Variants in KDM2A observed in about 807,000 individuals in gnomAD.
KDM2A encodes the protein lysine demethylase 2A.
In KDM2A, 3 loss-of-function variants were observed where a neutral mutation model predicts 137.3. That is an observed-to-expected ratio of 0.02 (90% CI 0.01 to 0.06). The LOEUF is 0.06. Among genes scored for constraint, KDM2A ranks in the 10% least tolerant of loss-of-function variants. The pLI is 1.00. For synonymous variants in KDM2A, 512 were observed against 541.5 expected (o/e 0.95, Z 0.76); for missense variants, 738 against 1,510.6 (o/e 0.49, Z 8.48).
intron 12 of KDM2A, among the ~76,000 whole-genome samples, chr11:67,241,125 A>C (rs1859027820): frequency 6.6e-6 from 1 of 152,182 alleles, no homozygotes; most frequent in South Asian, 2.1e-4. Flanking sequence ...CAGCAGAGGA[A>C]ATGGGCAGAG....
At chr11:67,210,492 AATTT>A (rs1377649726) in intron 6 of KDM2A, among the ~76,000 whole-genome samples, 1 of 152,196 alleles carries the variant, frequency 6.6e-6, no homozygotes, top group African/African-American at 2.4e-5. Context: ...TGGCATCCTG[AATTT>A]ATTCACTCTG....
rs777444558 is a variant in KDM2A at position 67,215,984 on chromosome 11, A to C, written c.687+35A>C. ...TAGTTGTGATAGGGGTTGGAATCTG[A>C]AGTTGGTTGTATGACTTTGCTTCAG... On this transcript the variant is annotated intron_variant, in intron 8 of 20. Coordinates refer to ENST00000529006, the MANE Select transcript of KDM2A (RefSeq NM_012308.3). 3.2e-6 allele frequency: 5 copies of C among 1,544,556 alleles called. No homozygotes were observed. The East Asian group carries it at 1.1e-4, about 35-fold the overall frequency.
chr11:67,248,742 G>C (rs1859322847), intron 16 of KDM2A: 2 of 182,522 alleles, frequency 1.1e-5, no homozygotes, highest in South Asian at 1.0e-4. Flanking sequence ...CAGCCAGTGA[G>C]TGCAGCAGTG....
intron 15 of KDM2A, 51 bp downstream of exon 15, chr11:67,246,167 A>G (rs1399114466): frequency 3.7e-6 from 6 of 1,601,062 alleles, no homozygotes; most frequent in African/African-American, 1.3e-5. Flanking sequence ...GGAGTGAGTG[A>G]CACAACAGAA....
intron 5 of KDM2A, chr11:67,196,783 A>G (rs1857493629): frequency 4.2e-6 from 1 of 240,188 alleles, no homozygotes; most frequent in African/African-American, 2.3e-5. Flanking sequence ...ATGGAGATGG[A>G]TGGTGGTAAT....
Position 67,253,602 on chromosome 11 carries a change from G to A in KDM2A, c.3082G>A (p.Asp1028Asn), listed in dbSNP as rs761386353. 8 of 1,613,780 alleles carry A rather than the reference G, an allele frequency of 5.0e-6. No individual in the cohort carries two copies. The highest frequency in any genetic ancestry group is 6.8e-6 in the Non-Finnish European group (8 of 1,179,850). Residue 1028 changes from aspartate to asparagine, a missense_variant, in exon 19 of 21, where the codon GAT (aspartate) becomes AAT (asparagine). This residue lies in a region of KDM2A where 166 missense variants were observed against 324.0 expected (regional missense o/e 0.51). Transcript: ENST00000529006. ...TCGGGACTTGCTTACTCCACCGGCTGATAAACCAGGTATGCTCTGGACCTG... is the reference window on the plus strand; with the variant it reads ...TCGGGACTTGCTTACTCCACCGGCTAATAAACCAGGTATGCTCTGGACCTG... Reference protein sequence around the residue: ...QIRDLLTPPADKPGQDNRSKL... With the variant: ...QIRDLLTPPANKPGQDNRSKL...
At chr11:67,149,689 T>G (rs927900183) in intron 2 of KDM2A, among the ~76,000 whole-genome samples, 1 of 151,786 alleles carries the variant, frequency 6.6e-6, no homozygotes, top group Non-Finnish European at 1.5e-5. Context: ...AGTAATCTAA[T>G]TTTATAAATA....
At position 67,237,584 on chromosome 11, in the gene KDM2A, A is replaced by T. The variant is rs185336393; in HGVS notation, c.1480-5425A>T. On this transcript the variant is annotated intron_variant, in intron 12 of 20. Coordinates refer to ENST00000529006, the MANE Select transcript of KDM2A (RefSeq NM_012308.3). Reference sequence around the variant, plus strand: ...AGTGCTAGGATTACAGGCATGAGCCACCTTACCCAACCAACTCAGCTTTTT... The same window carrying T: ...AGTGCTAGGATTACAGGCATGAGCCTCCTTACCCAACCAACTCAGCTTTTT... 7.8e-4 allele frequency among the ~76,000 whole-genome samples: 118 copies of T among 152,120 alleles called. No homozygotes were observed. The Middle Eastern group carries it at 0.01, about 13-fold the overall frequency.
intron 5 of KDM2A, among the ~76,000 whole-genome samples, chr11:67,204,483 G>C (rs1410474559): frequency 6.8e-6 from 1 of 147,838 alleles, no homozygotes; most frequent in Non-Finnish European, 1.5e-5. Context: ...GATACAGTGT[G>C]TTTTCTTTTT....
chr11:67,197,959 T>C (rs1167353056), intron 5 of KDM2A, among the ~76,000 whole-genome samples: 4 of 151,446 alleles, frequency 2.6e-5, no homozygotes, highest in African/African-American at 4.9e-5. Context: ...TTTTATGTTA[T>C]ACATATTATA....
intron 6 of KDM2A, among the ~76,000 whole-genome samples, chr11:67,208,713 GTGAGC>G (rs1565404915): frequency 1.3e-5 from 2 of 149,228 alleles, no homozygotes; most frequent in Admixed American, 1.3e-4. Context: ...AGAGGTTGCA[GTGAGC>G]TGAGATCATG....
chr11:67,172,792 C>G (rs1175066777), intron 2 of KDM2A, among the ~76,000 whole-genome samples: 2 of 152,110 alleles, frequency 1.3e-5, no homozygotes, highest in Admixed American at 6.6e-5. Context: ...CTAGAAACTT[C>G]AATACAGTTT....
At chr11:67,133,560 G>A (rs1203335818) in intron 2 of KDM2A, among the ~76,000 whole-genome samples, 1 of 151,506 alleles carries the variant, frequency 6.6e-6, no homozygotes, top group Non-Finnish European at 1.5e-5. Context: ...CCACCACCAC[G>A]CCCGGCCAAT....
intron 6 of KDM2A, among the ~76,000 whole-genome samples, chr11:67,209,911 T>A (rs920910866): frequency 6.6e-6 from 1 of 152,082 alleles, no homozygotes; most frequent in African/African-American, 2.4e-5. Context: ...ATTTGGAAAC[T>A]TAGCCAGGCA....
Position 67,254,807 on chromosome 11 carries a change from A to G in KDM2A, c.3308-67A>G. 3.5e-6 allele frequency: 5 copies of G among 1,414,150 alleles called. No individual in the cohort carries two copies. Among genetic ancestry groups the G allele is most frequent in the South Asian group, 2.4e-5 (2 of 82,788 alleles). The allele number at this position is 1,414,150 out of a possible 1,614,324, so 87.6% of individuals were successfully genotyped here. A position where few individuals can be genotyped will look rare whatever the true frequency, so the allele number is the denominator to read the frequency against. On this transcript the variant is annotated intron_variant, in intron 20 of 20. Coordinates refer to ENST00000529006, the MANE Select transcript of KDM2A (RefSeq NM_012308.3). The surrounding 1 kb of genome is among the most constrained non-coding windows in gnomAD (Gnocchi z 4.7). ...AGCATTTTGAAGGAAAGACGGCTACAGGAATTGAATGGCAGAGGAAAGCTG... is the reference window on the plus strand; with the variant it reads ...AGCATTTTGAAGGAAAGACGGCTACGGGAATTGAATGGCAGAGGAAAGCTG...
intron 2 of KDM2A, among the ~76,000 whole-genome samples, chr11:67,167,375 G>C (rs1856769865): frequency 1.3e-5 from 2 of 152,212 alleles, no homozygotes; most frequent in African/African-American, 4.8e-5. Context: ...GCAGGCAACA[G>C]TGATGGGAGA....
chr11:67,189,813 G>A (rs906629895), intron 5 of KDM2A, among the ~76,000 whole-genome samples: 6 of 151,854 alleles, frequency 4.0e-5, no homozygotes, highest in Non-Finnish European at 7.4e-5. Flanking sequence ...CACTCCAGCC[G>A]GGGCAACAAA....
At chr11:67,159,659 C>A (rs915486885) in intron 2 of KDM2A, among the ~76,000 whole-genome samples, 14 of 152,144 alleles carry the variant, frequency 9.2e-5, no homozygotes, top group African/African-American at 3.1e-4. Context: ...TGGGGTGATT[C>A]TTTGGCCATG....
At chr11:67,228,411 G>T (rs1207857632) in intron 11 of KDM2A, among the ~76,000 whole-genome samples, 2 of 152,158 alleles carry the variant, frequency 1.3e-5, no homozygotes, top group African/African-American at 4.8e-5. Flanking sequence ...GGATGATCAA[G>T]CCGGACACGC....
Sources: gnomAD v4.1 joint callset for allele counts (sites outside exome capture counted in the v4.1 genomes callset) on GRCh38, gnomAD v4.1.1 for gene constraint, gnomAD v4.1.1 regional missense constraint, Gnocchi (gnomAD v3.1) non-coding constraint, MANE v1.5 for transcripts, NCBI Gene and HGNC (gene_info 2026-07-23, HGNC 2026-07-21) for gene names.